SLC6A19: variants seen among roughly 807,000 people sequenced by gnomAD.
SLC6A19 encodes solute carrier family 6 member 19.
Under a neutral mutation model 68.3 loss-of-function variants are expected in SLC6A19, and 67 were observed. The ratio of observed to expected loss-of-function variants is 0.98; its 90% CI spans 0.81 to 1.20. SLC6A19 has a LOEUF of 1.20. Ranked by LOEUF, SLC6A19 falls within the 50% of genes most tolerant of loss-of-function variation. The pLI is 0.00. For synonymous variants in SLC6A19, 392 were observed against 374.9 expected (o/e 1.05, Z -0.53); for missense variants, 813 against 851.6 (o/e 0.95, Z 0.56).
rs963119212 is a variant in SLC6A19 at position 1,215,254 on chromosome 5, G to A, written c.887+1189G>A. Reference sequence around the variant, plus strand: ...ATTATTTTTATAACAGCTTTATTCAGATCATTTGAATACCACACAACTCCC... The same window carrying A: ...ATTATTTTTATAACAGCTTTATTCAAATCATTTGAATACCACACAACTCCC... On this transcript the variant is annotated intron_variant, in intron 6 of 11. Transcript: ENST00000304460. The surrounding 1 kb of genome is among the most constrained non-coding windows in gnomAD (Gnocchi z 5.1). 1.3e-5 allele frequency among the ~76,000 whole-genome samples: 2 copies of A among 152,174 alleles called. No homozygotes were observed. Among genetic ancestry groups the A allele is most frequent in the Non-Finnish European group, 2.9e-5 (2 of 68,032 alleles).
intron 2 of SLC6A19, among the ~76,000 whole-genome samples, chr5:1,210,125 C>T (rs1285209765): frequency 6.6e-6 from 1 of 152,262 alleles, no homozygotes; most frequent in African/African-American, 2.4e-5. Context: ...CCTGGATGCA[C>T]CTGCTGGAGG....
intron 10 of SLC6A19, among the ~76,000 whole-genome samples, chr5:1,219,926 G>A (rs780879132): frequency 3.5e-4 from 53 of 152,158 alleles, no homozygotes; most frequent in Non-Finnish European, 6.3e-4. Context: ...CGGTGCCCAC[G>A]CAGAGAGCCA....
Position 1,214,115 on chromosome 5 carries a change from T to G in SLC6A19, c.887+50T>G. ...AGTTTCCCTCTCAGTCCTGGGGGGA[T>G]CTTGCTGGGAGGATAAAAGACAAGG... On this transcript the variant is annotated intron_variant, in intron 6 of 11. Coordinates refer to ENST00000304460, the MANE Select transcript of SLC6A19 (RefSeq NM_001003841.3). This position sits in a 1 kb window ranked among gnomAD's most constrained non-coding sequence, Gnocchi z 7.4. The G allele has an allele frequency of 5.6e-6, 9 of 1,612,602 alleles. No homozygotes were observed. Among genetic ancestry groups the G allele is most frequent in the Non-Finnish European group, 7.6e-6 (9 of 1,179,634 alleles).
chr5:1,204,732 A>G (rs971617210), intron 1 of SLC6A19, among the ~76,000 whole-genome samples: 23 of 152,194 alleles, frequency 1.5e-4, no homozygotes. Context: ...GGCGTGCGGG[A>G]GCCGGAGGAG....
chr5:1,206,824 C>G (rs1318344058), intron 1 of SLC6A19, among the ~76,000 whole-genome samples: 1 of 152,182 alleles, frequency 6.6e-6, no homozygotes, highest in Non-Finnish European at 1.5e-5. Flanking sequence ...CCACGGGACA[C>G]AAAGGTGGCC....
Position 1,201,715 on chromosome 5 carries a change from A to G in SLC6A19, c.65A>G (p.Glu22Gly). The G allele has an allele frequency of 6.2e-7, 1 of 1,612,308 alleles. No homozygotes were observed. The highest frequency in any genetic ancestry group is 8.5e-7 in the Non-Finnish European group (1 of 1,179,894). ...CGGATCCCGTCCCTGGCTGAGCTGG[A>G]GACCATCGAGCAGGAGGAGGCCAGC... ...DARIPSLAEL[E>G]TIEQEEASSR... is the part of the protein sequence containing the mutation. Residue 22 changes from glutamate to glycine, a missense_variant, in exon 1 of 12, where the codon GAG (glutamate) becomes GGG (glycine). Transcript: ENST00000304460.
rs1376502213 is a variant in SLC6A19 at position 1,212,604 on chromosome 5, G to A, written c.663+120G>A. On this transcript the variant is annotated intron_variant, in intron 4 of 11. Coordinates refer to ENST00000304460, the MANE Select transcript of SLC6A19 (RefSeq NM_001003841.3). The surrounding 1 kb of genome is among the most constrained non-coding windows in gnomAD (Gnocchi z 5.1). ...GGGTCCCGGGCTCTGCCTTTCCCCA[G>A]ACCCCACCAAGAGAGCTGCCTTTGC... 10 of 1,308,446 alleles carry A rather than the reference G, an allele frequency of 7.6e-6. No individual in the cohort carries two copies. The highest frequency in any genetic ancestry group is 4.9e-5 in the East Asian group (2 of 41,016). The allele number at this position is 1,308,446 out of a possible 1,614,324, so 81.1% of individuals were successfully genotyped here.
chr5:1,219,794 C>G, intron 10 of SLC6A19, 130 bp downstream of exon 10: 1 of 1,283,492 alleles, frequency 7.8e-7, no homozygotes, highest in Non-Finnish European at 1.1e-6. Flanking sequence ...CTCGGCCGGC[C>G]ACAGAGGCTG....
intron 1 of SLC6A19, among the ~76,000 whole-genome samples, chr5:1,203,049 C>T (rs1419742084): frequency 6.6e-6 from 1 of 152,108 alleles, no homozygotes; most frequent in African/African-American, 2.4e-5. Flanking sequence ...TCCCCCAGGG[C>T]CCTATCCTGT....
rs971419469 is a variant in SLC6A19 at position 1,212,203 on chromosome 5, G to A, written c.482-100G>A. 1 of 1,471,476 alleles carries A rather than the reference G, an allele frequency of 6.8e-7. No homozygotes were observed. The allele number at this position is 1,471,476 out of a possible 1,614,324, so 91.2% of individuals were successfully genotyped here. On this transcript the variant is annotated intron_variant, in intron 3 of 11. Transcript: ENST00000304460. The surrounding 1 kb of genome is among the most constrained non-coding windows in gnomAD (Gnocchi z 5.1). ...GTGTGGGCGTGTCACTGGTGTCAAGGCCTCTGGAACGTGGCTGGCATTTCT... is the reference window on the plus strand; with the variant it reads ...GTGTGGGCGTGTCACTGGTGTCAAGACCTCTGGAACGTGGCTGGCATTTCT...
In SLC6A19 at chr5:1,222,120, C is replaced by T. The variant is rs1331144781; in HGVS notation, c.*216C>T. On this transcript the variant is annotated 3_prime_UTR_variant, in exon 12 of 12. Coordinates refer to ENST00000304460, the MANE Select transcript of SLC6A19 (RefSeq NM_001003841.3). The stretch of plus-strand genomic sequence containing the variant: ...CACTGTGTGAGTGTGCACGTGTATG[C>T]ACACATATACATGTGTGTGGGTGTG... 3.3e-6 allele frequency: 2 copies of T among 613,938 alleles called. No homozygotes were observed. Among genetic ancestry groups the T allele is most frequent in the Non-Finnish European group, 5.8e-6 (2 of 346,716 alleles). 38.0% of individuals were successfully genotyped at this position (613,938 alleles called of 1,614,324 possible). A position where few individuals can be genotyped will look rare whatever the true frequency, so the allele number is the denominator to read the frequency against.
intron 5 of SLC6A19, 149 bp downstream of exon 5, chr5:1,213,722 C>G: frequency 9.5e-7 from 1 of 1,055,168 alleles, no homozygotes; most frequent in Non-Finnish European, 1.4e-6. Context: ...ACGGGGCCAG[C>G]GAGGGCAAGG....
chr5:1,207,147 T>C (rs1745877889), intron 1 of SLC6A19, among the ~76,000 whole-genome samples: 3 of 152,194 alleles, frequency 2.0e-5, no homozygotes, highest in Non-Finnish European at 4.4e-5. Context: ...ACCTCTGCTG[T>C]TCCCTGACCC....
rs1277517359 is a variant in SLC6A19 at position 1,222,433 on chromosome 5, GTGTA to G, written c.*533_*536del. 9.3e-5 allele frequency: 41 copies of G among 440,852 alleles called. No homozygotes were observed. Among genetic ancestry groups the G allele is most frequent in the African/African-American group, 6.5e-4 (33 of 50,914 alleles). The allele number at this position is 440,852 out of a possible 1,614,324, so 27.3% of individuals were successfully genotyped here. A position where few individuals can be genotyped will look rare whatever the true frequency, so the allele number is the denominator to read the frequency against. The stretch of plus-strand genomic sequence containing the variant: ...AGTGTATATACATGCATGCAATTGT[GTGTA>G]TGTGTGTTCTGTGTGTGCGTTTGCA... On this transcript the variant is annotated 3_prime_UTR_variant, in exon 12 of 12. Coordinates refer to ENST00000304460, the MANE Select transcript of SLC6A19 (RefSeq NM_001003841.3).
intron 1 of SLC6A19, among the ~76,000 whole-genome samples, chr5:1,202,875 T>C (rs1745754911): frequency 6.6e-6 from 1 of 152,210 alleles, no homozygotes; most frequent in Non-Finnish European, 1.5e-5. Flanking sequence ...AGTTGATCAC[T>C]GCCTTGCGGG....
chr5:1,210,290 A>C (rs1387486760), intron 2 of SLC6A19, among the ~76,000 whole-genome samples, 154 bp from the exon 3 acceptor site: 1 of 152,196 alleles, frequency 6.6e-6, no homozygotes, highest in Non-Finnish European at 1.5e-5. Flanking sequence ...CAGCTGCATG[A>C]TCCCGGCCTG....
At position 1,213,523 on chromosome 5, in the gene SLC6A19, C is replaced by T; in HGVS notation, c.724C>T (p.Leu242=). 2 of 1,611,006 alleles carry T rather than the reference C, an allele frequency of 1.2e-6. No homozygotes were observed. Among genetic ancestry groups the T allele is most frequent in the Non-Finnish European group, 1.7e-6 (2 of 1,179,374 alleles). Reference sequence around the variant, plus strand: ...CCTGACCATCTTCCTCATCCGAGGCCTGACGCTGAAGGGCGCCACCAATGG... The same window carrying T: ...CCTGACCATCTTCCTCATCCGAGGCTTGACGCTGAAGGGCGCCACCAATGG... ...VVLTIFLIRG[L]TLKGATNGIV... Residue 242 remains leucine, a synonymous_variant, in exon 5 of 12, where the codon CTG becomes TTG. Transcript: ENST00000304460.
chr5:1,206,376 C>A (rs12658539), intron 1 of SLC6A19, among the ~76,000 whole-genome samples: 4 of 115,730 alleles, frequency 3.5e-5, no homozygotes, highest in African/African-American at 1.1e-4. Flanking sequence ...GTGTGTGTGT[C>A]TCTCTCTCTC....
intron 5 of SLC6A19, 131 bp from the exon 6 acceptor site, chr5:1,213,822 C>G: frequency 6.8e-7 from 1 of 1,462,068 alleles, no homozygotes. Context: ...TAGCTGCCAC[C>G]CCAGGGGGCC....
Sources: gnomAD v4.1 joint callset for allele counts (sites outside exome capture counted in the v4.1 genomes callset) on GRCh38, gnomAD v4.1.1 for gene constraint, Gnocchi (gnomAD v3.1) non-coding constraint, MANE v1.5 for transcripts, NCBI Gene and HGNC (gene_info 2026-07-23, HGNC 2026-07-21) for gene names.